The following HR variants were observed in gnomAD, a reference collection of about 807,000 sequenced individuals.
The protein encoded by HR is HR lysine demethylase and nuclear receptor corepressor.
A neutral mutation model predicts 128.6 loss-of-function variants in HR; 83 were observed. The observed-to-expected ratio is 0.65, with a 90% CI of 0.54 to 0.77. The LOEUF is 0.77. Among genes scored for constraint, HR ranks in the 30% least tolerant of loss-of-function variants. The pLI is 0.00. For missense variants in HR, 1,490 were observed against 1,574.6 expected (o/e 0.95, Z 0.91); for synonymous variants, 681 against 658.2 (o/e 1.03, Z -0.53).
rs138533876 is a variant in HR at position 22,125,681 on chromosome 8, G to C, written c.1457C>G (p.Pro486Arg). Residue 486 changes from proline to arginine, a missense_variant, in exon 4 of 19, where the codon CCA (proline) becomes CGA (arginine). Coordinates refer to ENST00000381418, the MANE Select transcript of HR (RefSeq NM_005144.5). ...CAGTTTTGCAGGGAGAGCCAGGCAT[G>C]GTATGTCCTGAAGTCCCGGGTCCTG... ...SLQDPGLQDI[P>R]CLALPAKLAQ... The C allele has an allele frequency of 6.2e-7, 1 of 1,613,906 alleles. No homozygotes were observed.
At chr8:22,119,306 C>G (rs1326633840) in intron 14 of HR, 23 bp from the exon 15 acceptor site, 5 of 1,613,140 alleles carry the variant, frequency 3.1e-6, no homozygotes, top group South Asian at 1.1e-5. Flanking sequence ...AGAGAAAGAA[C>G]AGTTAGAAAT....
chr8:22,128,867 C>G lies in HR; in HGVS notation c.304G>C (p.Ala102Pro). Residue 102 changes from alanine to proline, a missense_variant, in exon 2 of 19, where the codon GCC becomes CCC. Ala to Pro is a conservative substitution (Grantham distance 27). This residue lies in a region of HR where 1,060 missense variants were observed against 1,060.9 expected (regional missense o/e 1.00). Transcript: ENST00000381418. ...GSKEGLRWKE[A>P]MLTHPLAFCG... is the part of the protein sequence containing the mutation. Reference sequence around the variant, plus strand: ...AATGCCAGCGGATGGGTAAGCATGGCCTCCTTCCAGCGCAGTCCCTCTTTG... The same window carrying G: ...AATGCCAGCGGATGGGTAAGCATGGGCTCCTTCCAGCGCAGTCCCTCTTTG... The G allele has an allele frequency of 1.2e-6, 2 of 1,613,408 alleles. No individual in the cohort carries two copies. The highest frequency in any genetic ancestry group is 2.7e-5 in the African/African-American group (2 of 75,070).
Position 22,127,771 on chromosome 8 carries a change from G to T in HR, c.671C>A (p.Ala224Glu). The change falls in exon 3 of 19, where the codon GCG (alanine) becomes GAG (glutamate). Residue 224 changes from alanine (A) to glutamate (E), a missense_variant. Around this residue, in one of 3 missense-constraint regions of HR, gnomAD observed 1,060 missense variants for 1,060.9 expected, o/e 1.00. Transcript: ENST00000381418. ...PRLAKEPLAA[A>E]EPGLFGLNSG... ...GTTTAAGCCAAACAACCCAGGTTCCGCAGCTGCCAAGGGCTCCTTTGCCAA... is the reference window on the plus strand; with the variant it reads ...GTTTAAGCCAAACAACCCAGGTTCCTCAGCTGCCAAGGGCTCCTTTGCCAA... 6.2e-7 allele frequency: 1 copy of T among 1,600,406 alleles called. No homozygotes were observed. Among genetic ancestry groups the T allele is most frequent in the Non-Finnish European group, 8.5e-7 (1 of 1,179,970 alleles).
chr8:22,125,382 C>T lies in HR; in HGVS notation c.1679G>A (p.Ser560Asn). ...LSTGLAKHLL[S>N]GLGDRLCRLL... is the part of the protein sequence containing the mutation. ...GCGGCACAGTCGGTCCCCCAAACCACTGAGCAGGTGCTTGGCGAGGCCTGT... is the reference window on the plus strand; with the variant it reads ...GCGGCACAGTCGGTCCCCCAAACCATTGAGCAGGTGCTTGGCGAGGCCTGT... Residue 560 changes from serine to asparagine, a missense_variant, in exon 5 of 19, where the codon AGT (serine) becomes AAT (asparagine). Coordinates refer to ENST00000381418, the MANE Select transcript of HR (RefSeq NM_005144.5). The T allele has an allele frequency of 6.2e-7, 1 of 1,610,312 alleles. No individual in the cohort carries two copies. Among genetic ancestry groups the T allele is most frequent in the Non-Finnish European group, 8.5e-7 (1 of 1,178,936 alleles).
intron 3 of HR, among the ~76,000 whole-genome samples, chr8:22,126,127 C>T (rs955937671): frequency 5.9e-5 from 9 of 152,150 alleles, no homozygotes; most frequent in Non-Finnish European, 1.2e-4. Flanking sequence ...GGACGGAGGG[C>T]GCCGGAAGGT....
rs560645113 is a variant in HR at position 22,130,974 on chromosome 8, A to C, written c.-587T>G. ...GGAGGTAGAGCGCGGCGGAGAGCGC[A>C]GCAGGACCTCTGATCGCCATCGCCA... is the stretch of plus-strand genomic sequence containing the variant. On this transcript the variant is annotated 5_prime_UTR_variant, in exon 1 of 19. Coordinates refer to ENST00000381418, the MANE Select transcript of HR (RefSeq NM_005144.5). The C allele has an allele frequency of 6.6e-6, 1 of 151,052 alleles. No individual in the cohort carries two copies. Among genetic ancestry groups the C allele is most frequent in the Non-Finnish European group, 1.5e-5 (1 of 67,958 alleles). The allele number at this position is 151,052 out of a possible 1,614,324, so 9.4% of individuals were successfully genotyped here.
At chr8:22,122,310 A>T (rs1185185343) in intron 8 of HR, among the ~76,000 whole-genome samples, 183 bp downstream of exon 8, 1 of 152,058 alleles carries the variant, frequency 6.6e-6, no homozygotes, top group Non-Finnish European at 1.5e-5. Flanking sequence ...CCTCCAGGGC[A>T]TGGAGGTGGG....
Position 22,116,221 on chromosome 8 carries a change from T to C in HR, c.3507+79A>G. On this transcript the variant is annotated intron_variant, in intron 18 of 18. Coordinates refer to ENST00000381418, the MANE Select transcript of HR (RefSeq NM_005144.5). The surrounding 1 kb of genome is among the most constrained non-coding windows in gnomAD (Gnocchi z 4.2). ...CTGCTTGGCACAGGGTGGGATCTGC[T>C]ATGTCCACTGCAGCTGTGGCACAGG... is the stretch of plus-strand genomic sequence containing the variant. The C allele has an allele frequency of 1.3e-6, 2 of 1,598,872 alleles. No homozygotes were observed. Among genetic ancestry groups the C allele is most frequent in the Non-Finnish European group, 1.7e-6 (2 of 1,169,210 alleles).
In HR at chr8:22,115,448, G is replaced by A; in HGVS notation, c.*252C>T. The A allele has an allele frequency of 1.7e-6, 1 of 596,184 alleles. No individual in the cohort carries two copies. Among genetic ancestry groups the A allele is most frequent in the Non-Finnish European group, 3.0e-6 (1 of 330,700 alleles). 36.9% of individuals were successfully genotyped at this position (596,184 alleles called of 1,614,324 possible). On this transcript the variant is annotated 3_prime_UTR_variant, in exon 19 of 19. Coordinates refer to ENST00000381418, the MANE Select transcript of HR (RefSeq NM_005144.5). ...AGGAAGTCAATTGCCCCCAGTGCGG[G>A]CCTGGTACCATGAAAAGGGGCACAG... is the stretch of plus-strand genomic sequence containing the variant.
At position 22,121,227 on chromosome 8, in the gene HR, C is replaced by G. The variant is rs999446705; in HGVS notation, c.2205G>C (p.Glu735Asp). ...CTGGGGTCTCAGCGGAATCGGGGGT[C>G]TCTGTCAGGGAGGAAGATGGTGGGG... ...DTHRTKSIKE[E>D]TPDSAETPAE... The change falls in exon 10 of 19, where the codon GAG (glutamate) becomes GAC (aspartate). Residue 735 changes from glutamate to aspartate, a missense_variant and splice_region_variant. By Grantham distance (45) the Glu-to-Asp change is conservative. Around this residue, in one of 3 missense-constraint regions of HR, gnomAD observed 1,060 missense variants for 1,060.9 expected, o/e 1.00. Transcript: ENST00000381418. The G allele has an allele frequency of 1.2e-6, 2 of 1,613,560 alleles. No homozygotes were observed. The highest frequency in any genetic ancestry group is 2.7e-5 in the African/African-American group (2 of 74,936).
intron 18 of HR, 102 bp from the exon 19 acceptor site, chr8:22,115,864 C>T: frequency 1.7e-6 from 2 of 1,154,512 alleles, no homozygotes; most frequent in Non-Finnish European, 2.5e-6. Flanking sequence ...GATGCGGTGG[C>T]TCACACCTGT....
chr8:22,121,416 T>C (rs949383553), intron 9 of HR, among the ~76,000 whole-genome samples, 188 bp from the exon 10 acceptor site: 1 of 151,664 alleles, frequency 6.6e-6, no homozygotes, highest in Non-Finnish European at 1.5e-5. Context: ...CTCCAGAGTC[T>C]CTAAAAAGAG....
chr8:22,125,790 T>A, intron 3 of HR, 58 bp from the exon 4 acceptor site: 2 of 1,588,250 alleles, frequency 1.3e-6, no homozygotes, highest in South Asian at 2.3e-5. Flanking sequence ...GAGAACCCCA[T>A]TCCTCACCTT....
chr8:22,123,617 T>TTGGGCCCCCCCC, intron 6 of HR, 32 bp downstream of exon 6: 2 of 292,092 alleles, frequency 6.8e-6, no homozygotes, highest in Non-Finnish European at 1.2e-5. Flanking sequence ...GAGGGCTCCA[T>TTGGGCCCCCCCC]CCCGCCCTCC....
Position 22,123,760 on chromosome 8 carries a change from G to A in HR, c.1804C>T (p.Arg602Cys), listed in dbSNP as rs202101534. 4.9e-5 allele frequency: 78 copies of A among 1,601,492 alleles called. No homozygotes were observed. Among genetic ancestry groups the A allele is most frequent in the Non-Finnish European group, 5.8e-5 (68 of 1,177,478 alleles). ...GTGTTGAAGAGTCCATGGTGGCAAC[G>A]GCTGCAGCAGCGTGGAATGCCTGGG... ...DSPGIPRCCS[R>C]CHHGLFNTHW... The change falls in exon 6 of 19, where the codon CGT (arginine) becomes TGT (cysteine). Residue 602 changes from arginine to cysteine, a missense_variant. Transcript: ENST00000381418.
Position 22,116,448 on chromosome 8 carries a change from A to T in HR, c.3379-20T>A, listed in dbSNP as rs1401068022. The T allele has an allele frequency of 1.9e-6, 3 of 1,612,490 alleles. No homozygotes were observed. In the African/African-American group the frequency reaches 4.0e-5, roughly 22 times the overall value. ...CTGCACCTGTGTCGGGGGGACATGGACAGTGAGGCTCAAGATCACACATCC... is the reference window on the plus strand; with the variant it reads ...CTGCACCTGTGTCGGGGGGACATGGTCAGTGAGGCTCAAGATCACACATCC... On this transcript the variant is annotated intron_variant, in intron 17 of 18. Coordinates refer to ENST00000381418, the MANE Select transcript of HR (RefSeq NM_005144.5). This position sits in a 1 kb window ranked among gnomAD's most constrained non-coding sequence, Gnocchi z 4.2.
At position 22,129,187 on chromosome 8, in the gene HR, T is replaced by C; in HGVS notation, c.-17A>G. On this transcript the variant is annotated 5_prime_UTR_variant, in exon 2 of 19. The change abolishes an upstream ATG in the 5' untranslated region. Coordinates refer to ENST00000381418, the MANE Select transcript of HR (RefSeq NM_005144.5). The stretch of plus-strand genomic sequence containing the variant: ...ACTCTCCATCACTCTCCTGCCCTCA[T>C]GGGGCTCTCCCAGAGGGGGGTCCCT... 1.3e-6 allele frequency: 2 copies of C among 1,520,300 alleles called. No homozygotes were observed. The highest frequency in any genetic ancestry group is 1.8e-6 in the Non-Finnish European group (2 of 1,136,902). 94.2% of individuals were successfully genotyped at this position (1,520,300 alleles called of 1,614,324 possible).
Position 22,117,027 on chromosome 8 carries a change from C to A in HR, c.3226G>T (p.Gly1076Trp). ...RRFLQMVCPA[G>W]AGALEPGAPG... ...GCGCCAGGCTCCAGGGCGCCTGCCC[C>A]GGCCGGGCACACCTCAAAGAAGAGA... The change falls in exon 17 of 19, where the codon GGG becomes TGG. Residue 1076 changes from glycine (G) to tryptophan (W), a missense_variant. Physicochemically the swap from Gly to Trp is radical, Grantham distance 184. Transcript: ENST00000381418. 7.3e-6 allele frequency: 11 copies of A among 1,505,178 alleles called. No homozygotes were observed. The highest frequency in any genetic ancestry group is 9.7e-6 in the Non-Finnish European group (11 of 1,132,866). The allele number at this position is 1,505,178 out of a possible 1,614,324, so 93.2% of individuals were successfully genotyped here.
In HR at chr8:22,116,958, G is replaced by T. The variant is rs764531611; in HGVS notation, c.3295C>A (p.Arg1099=). The change falls in exon 17 of 19, where the codon CGG becomes AGG. Residue 1099 remains arginine, a synonymous_variant. Transcript: ENST00000381418. This position sits in a 1 kb window ranked among gnomAD's most constrained non-coding sequence, Gnocchi z 4.2. ...CAGCAGCTCACGCCCCACTCCTCCCGCAGGCGCCGCCGCAGCCCTGCATCC... is the reference window on the plus strand; with the variant it reads ...CAGCAGCTCACGCCCCACTCCTCCCTCAGGCGCCGCCGCAGCCCTGCATCC... ...YLDAGLRRRL[R]EEWGVSCWTL... 3.2e-6 allele frequency: 5 copies of T among 1,539,418 alleles called. No homozygotes were observed. The highest frequency in any genetic ancestry group is 4.4e-6 in the Non-Finnish European group (5 of 1,147,876).
Sources: allele counts gnomAD v4.1 joint callset (sites outside exome capture counted in the v4.1 genomes callset), GRCh38; gene constraint gnomAD v4.1.1; regional missense constraint gnomAD v4.1.1; non-coding constraint Gnocchi (gnomAD v3.1); transcripts MANE v1.5; gene names NCBI Gene and HGNC (gene_info 2026-07-23, HGNC 2026-07-21).